VSTM4: variants seen among roughly 807,000 people sequenced by gnomAD.
The protein encoded by VSTM4 is V-set and transmembrane domain-containing protein 4.
A neutral mutation model predicts 36.4 loss-of-function variants in VSTM4; 20 were observed. The observed-to-expected ratio is 0.55, with a 90% CI of 0.39 to 0.80. The LOEUF (loss-of-function observed/expected upper bound fraction) is 0.80. Ranked by LOEUF, VSTM4 falls within the 30% of genes least tolerant of loss-of-function variation. The probability of loss-of-function intolerance (pLI) is 0.00; values close to 1 mark genes in which losing one functional copy is unlikely to be tolerated. For synonymous variants in VSTM4, 182 were observed against 173.9 expected (o/e 1.05, Z -0.37); for missense variants, 392 against 404.5 (o/e 0.97, Z 0.26).
At position 49,015,181 on chromosome 10, in the gene VSTM4, G is replaced by A; in HGVS notation, c.*4469C>T. ...CTATTGCCCAGGCTGGAGTGCAGCA[G>A]CACGATCTCGGCTCACTGCAAGCTC... On this transcript the variant is annotated 3_prime_UTR_variant, in exon 8 of 8. Transcript: ENST00000332853. 1 of 147,548 alleles carries A rather than the reference G, an allele frequency of 6.8e-6. No homozygotes were observed. The highest frequency in any genetic ancestry group is 1.5e-5 in the Non-Finnish European group (1 of 67,576). 9.1% of individuals were successfully genotyped at this position (147,548 alleles called of 1,614,324 possible).
chr10:49,027,718 C>CT (rs776537042), intron 7 of VSTM4, among the ~76,000 whole-genome samples: 2 of 152,148 alleles, frequency 1.3e-5, no homozygotes, highest in African/African-American at 2.4e-5. Context: ...CTGGGATTGG[C>CT]TTTTTTTACT....
intron 7 of VSTM4, among the ~76,000 whole-genome samples, chr10:49,041,868 AT>A (rs1244593669): frequency 6.6e-6 from 1 of 152,192 alleles, no homozygotes; most frequent in Non-Finnish European, 1.5e-5. Context: ...TTTTTGATCT[AT>A]CCCTGGGACA....
intron 1 of VSTM4, among the ~76,000 whole-genome samples, chr10:49,110,327 G>C (rs1485483059): frequency 6.6e-6 from 1 of 152,206 alleles, no homozygotes; most frequent in Non-Finnish European, 1.5e-5. Flanking sequence ...TTTCTTCCTG[G>C]AGGCAAGCTA....
intron 4 of VSTM4, among the ~76,000 whole-genome samples, chr10:49,075,863 G>A (rs893566188): frequency 1.3e-5 from 2 of 152,218 alleles, no homozygotes; most frequent in African/African-American, 4.8e-5. Context: ...AATAGCAGCA[G>A]GAGATCCAAA....
chr10:49,060,291 A>C (rs1177713718), intron 5 of VSTM4, among the ~76,000 whole-genome samples: 1 of 152,250 alleles, frequency 6.6e-6, no homozygotes, highest in Non-Finnish European at 1.5e-5. Context: ...TGTTTTCCCA[A>C]GTGGTGGCAC....
At chr10:49,039,344 C>T (rs967007234) in intron 7 of VSTM4, among the ~76,000 whole-genome samples, 1 of 152,012 alleles carries the variant, frequency 6.6e-6, no homozygotes, top group Non-Finnish European at 1.5e-5. Flanking sequence ...CACAGGAAGC[C>T]GCCTCATCCT....
At chr10:49,024,310 A>G (rs1564564420) in intron 7 of VSTM4, among the ~76,000 whole-genome samples, 1 of 152,194 alleles carries the variant, frequency 6.6e-6, no homozygotes, top group Non-Finnish European at 1.5e-5. Flanking sequence ...GAAAACTACC[A>G]GCCAGTGAGA....
chr10:49,075,941 AGGAGCTG>A (rs1564584438), intron 4 of VSTM4, among the ~76,000 whole-genome samples: 1 of 152,180 alleles, frequency 6.6e-6, no homozygotes, highest in East Asian at 1.9e-4. Flanking sequence ...CTGGTTTGTC[AGGAGCTG>A]AGTCCCTCTC....
At chr10:49,039,500 C>T (rs1843486436) in intron 7 of VSTM4, among the ~76,000 whole-genome samples, 1 of 152,094 alleles carries the variant, frequency 6.6e-6, no homozygotes, top group Non-Finnish European at 1.5e-5. Flanking sequence ...GTGATTAAGC[C>T]TGTGGTGCTC....
intron 7 of VSTM4, among the ~76,000 whole-genome samples, chr10:49,020,608 A>G (rs2131927713): frequency 6.6e-6 from 1 of 152,196 alleles, no homozygotes; most frequent in African/African-American, 2.4e-5. Context: ...TTTTAAATAC[A>G]GGATAAAATG....
intron 1 of VSTM4, among the ~76,000 whole-genome samples, chr10:49,113,844 A>C (rs1014177142): frequency 6.6e-6 from 1 of 152,148 alleles, no homozygotes; most frequent in Non-Finnish European, 1.5e-5. Flanking sequence ...GCACACAGTG[A>C]GTGTCCCACA....
chr10:49,079,364 C>G (rs1377652494), intron 3 of VSTM4, among the ~76,000 whole-genome samples: 1 of 152,126 alleles, frequency 6.6e-6, no homozygotes, highest in Non-Finnish European at 1.5e-5. Flanking sequence ...ACTCAGTGCC[C>G]AGCTACATAT....
intron 2 of VSTM4, among the ~76,000 whole-genome samples, chr10:49,099,768 T>C (rs1844633689): frequency 6.6e-6 from 1 of 152,254 alleles, no homozygotes; most frequent in African/African-American, 2.4e-5. Flanking sequence ...ATTCTGTGAA[T>C]AAGCCAGGCA....
chr10:49,032,979 T>C (rs905694085), intron 7 of VSTM4, among the ~76,000 whole-genome samples: 2 of 151,682 alleles, frequency 1.3e-5, no homozygotes, highest in Admixed American at 6.6e-5. Flanking sequence ...AGAAAAATAC[T>C]TTAGGAAGTT....
At chr10:49,091,661 G>T (rs1844477290) in intron 2 of VSTM4, among the ~76,000 whole-genome samples, 1 of 152,136 alleles carries the variant, frequency 6.6e-6, no homozygotes, top group African/African-American at 2.4e-5. Flanking sequence ...AATGCCCTCT[G>T]GGTGCCAAGG....
chr10:49,076,442 T>C (rs1415687933), intron 4 of VSTM4, among the ~76,000 whole-genome samples: 2 of 151,822 alleles, frequency 1.3e-5, no homozygotes, highest in Non-Finnish European at 2.9e-5. Context: ...GGAACCGGAG[T>C]CGGTCCATTT....
intron 3 of VSTM4, among the ~76,000 whole-genome samples, chr10:49,083,972 C>T (rs769362870): frequency 5.9e-5 from 9 of 152,168 alleles, no homozygotes; most frequent in Admixed American, 1.3e-4. Context: ...TCTGATGATA[C>T]ATAAGGCTCC....
At chr10:49,110,558 T>C (rs1025661198) in intron 1 of VSTM4, among the ~76,000 whole-genome samples, 16 of 152,196 alleles carry the variant, frequency 1.1e-4, no homozygotes, top group African/African-American at 3.1e-4. Context: ...AAAATTCATA[T>C]GTTGAAGCGT....
chr10:49,093,733 A>G (rs1844519223), intron 2 of VSTM4, among the ~76,000 whole-genome samples: 1 of 145,524 alleles, frequency 6.9e-6, no homozygotes, highest in Admixed American at 6.9e-5. Flanking sequence ...AGTTCAAGTC[A>G]TAGTTACTCT....
Sources: gnomAD v4.1 joint callset for allele counts (sites outside exome capture counted in the v4.1 genomes callset) on GRCh38, gnomAD v4.1.1 for gene constraint, MANE v1.5 for transcripts, NCBI Gene and HGNC (gene_info 2026-07-23, HGNC 2026-07-21) for gene names.